The following MOXD1 variants were observed in gnomAD, a reference collection of about 807,000 sequenced individuals.
The protein encoded by MOXD1 is monooxygenase DBH like 1.
MOXD1 carries 62 observed loss-of-function variants against 66.6 expected under a neutral mutation model. The observed-to-expected ratio is 0.93, with a 90% CI of 0.76 to 1.15. The LOEUF (loss-of-function observed/expected upper bound fraction) is 1.15. MOXD1 is among the 50% of genes most tolerant of loss of function. MOXD1 has a pLI of 0.00. For synonymous variants in MOXD1, 303 were observed against 281.9 expected, an observed-to-expected ratio of 1.07 and a Z score of -0.75; for missense variants, 847 against 754.6, an observed-to-expected ratio of 1.12 and a Z score of -1.44.
At chr6:132,371,151 G>A (rs1245198900) in intron 4 of MOXD1, among the ~76,000 whole-genome samples, 1 of 152,036 alleles carries the variant, frequency 6.6e-6, no homozygotes, top group African/African-American at 2.4e-5. Flanking sequence ...TCTTAAGCCT[G>A]GTTCCAGTTA....
chr6:132,354,234 T>A (rs935071902), intron 4 of MOXD1, among the ~76,000 whole-genome samples: 1 of 152,198 alleles, frequency 6.6e-6, no homozygotes, highest in African/African-American at 2.4e-5. Flanking sequence ...AGCCTTGTTT[T>A]GTCATATCAC....
chr6:132,365,029 G>A (rs985117546), intron 4 of MOXD1, among the ~76,000 whole-genome samples: 1 of 152,114 alleles, frequency 6.6e-6, no homozygotes, highest in African/African-American at 2.4e-5. Flanking sequence ...CAGCCTTTCT[G>A]TGTTTAGAAC....
chr6:132,301,673 C>G (rs1774541201), intron 10 of MOXD1, among the ~76,000 whole-genome samples: 1 of 152,040 alleles, frequency 6.6e-6, no homozygotes, highest in South Asian at 2.1e-4. Context: ...TACACACTCT[C>G]CATCCATCAA....
rs551320822 is a variant in MOXD1, at chr6:132,299,390, T to C, written c.1509-1435A>G. 2.4e-4 allele frequency among the ~76,000 whole-genome samples: 37 copies of C among 152,196 alleles called. No individual in the cohort carries two copies. The South Asian group carries it at 7.7e-3, about 32-fold the overall frequency. ...ACCTCAGTTTCACACAATATACCAT[T>C]GTAACAAACCTAAACATGCATCCCT... On this transcript the variant is annotated intron_variant, in intron 10 of 11. Transcript: ENST00000367963.
intron 10 of MOXD1, among the ~76,000 whole-genome samples, chr6:132,311,601 AAAC>A (rs1481707386): frequency 6.6e-6 from 1 of 152,038 alleles, no homozygotes; most frequent in Non-Finnish European, 1.5e-5. Context: ...CTTGTGCTTA[AAAC>A]AACACCAACA....
At chr6:132,301,424 A>G (rs1018659291) in intron 10 of MOXD1, among the ~76,000 whole-genome samples, 1 of 152,122 alleles carries the variant, frequency 6.6e-6, no homozygotes, top group Non-Finnish European at 1.5e-5. Flanking sequence ...AAACTGATCA[A>G]TGGAAATTTT....
At chr6:132,371,634 C>G (rs1406706908) in intron 4 of MOXD1, among the ~76,000 whole-genome samples, 1 of 152,134 alleles carries the variant, frequency 6.6e-6, no homozygotes, top group Admixed American at 6.6e-5. Flanking sequence ...GGCTGTCCAT[C>G]TTTTACAGAT....
At chr6:132,343,700 TATTCACCTATCAGTTTGGCAAC>T (rs1775611276) in intron 4 of MOXD1, among the ~76,000 whole-genome samples, 1 of 152,198 alleles carries the variant, frequency 6.6e-6, no homozygotes, top group African/African-American at 2.4e-5. Context: ...AGATTGGCAA[TATTCACCTATCAGTTTGGCAAC>T]ATTTAAAAAG....
intron 4 of MOXD1, among the ~76,000 whole-genome samples, chr6:132,340,031 G>T (rs983218267): frequency 2.0e-5 from 3 of 152,024 alleles, no homozygotes. Context: ...CACCACACCT[G>T]GATAATTTTT....
intron 10 of MOXD1, among the ~76,000 whole-genome samples, chr6:132,305,065 G>C (rs1305409143): frequency 6.6e-6 from 1 of 152,226 alleles, no homozygotes; most frequent in African/African-American, 2.4e-5. Flanking sequence ...AGCTCCTTGG[G>C]AGAGGAGCAG....
chr6:132,327,766 T>A (rs2114582014), intron 6 of MOXD1, among the ~76,000 whole-genome samples: 2 of 152,348 alleles, frequency 1.3e-5, no homozygotes, highest in South Asian at 4.1e-4. Context: ...TGCAAGTGTT[T>A]TTTTTGTAAG....
At chr6:132,392,495 C>T (rs1239833789) in intron 1 of MOXD1, among the ~76,000 whole-genome samples, 7 of 152,028 alleles carry the variant, frequency 4.6e-5, no homozygotes, top group African/African-American at 1.4e-4. Flanking sequence ...CTAAATGATT[C>T]GGGCGGGGGT....
intron 9 of MOXD1, among the ~76,000 whole-genome samples, chr6:132,316,089 G>A (rs1314898813): frequency 6.6e-6 from 1 of 152,100 alleles, no homozygotes; most frequent in African/African-American, 2.4e-5. Flanking sequence ...AATCAATCAG[G>A]AATTTTTGCA....
chr6:132,394,611 A>G (rs1306046594), intron 1 of MOXD1, among the ~76,000 whole-genome samples: 2 of 123,462 alleles, frequency 1.6e-5, no homozygotes, highest in African/African-American at 7.7e-5. Flanking sequence ...TACCAAAGAG[A>G]TAGATGTCAT....
At chr6:132,367,180 G>A (rs544831573) in intron 4 of MOXD1, among the ~76,000 whole-genome samples, 74 of 152,036 alleles carry the variant, frequency 4.9e-4, no homozygotes, top group Non-Finnish European at 9.1e-4. Flanking sequence ...ATGAAGTGAT[G>A]GACAAACTAG....
At position 132,401,190 on chromosome 6, in the gene MOXD1, C is replaced by A. The variant is rs1209512857; in HGVS notation, c.237G>T (p.Gly79=). The A allele has an allele frequency of 6.5e-7, 1 of 1,544,158 alleles. No homozygotes were observed. The highest frequency in any genetic ancestry group is 1.4e-5 in the African/African-American group (1 of 72,298). ...AMASADIVVG[G]VAHGRPYLQD... ...GGAGGTAGGGCCGCCCGTGGGCCAC[C>A]CCGCCCACGACGATGTCGGCGGACG... is the stretch of plus-strand genomic sequence containing the variant. Residue 79 remains glycine (G), a synonymous_variant, in exon 1 of 12, where the codon GGG becomes GGT. Coordinates refer to ENST00000367963, the MANE Select transcript of MOXD1 (RefSeq NM_015529.4).
chr6:132,305,160 C>G (rs1039476818), intron 10 of MOXD1, among the ~76,000 whole-genome samples: 4 of 152,258 alleles, frequency 2.6e-5, no homozygotes, highest in Non-Finnish European at 5.9e-5. Context: ...TAGCTCCAGA[C>G]TGTGCTTTTC....
intron 1 of MOXD1, among the ~76,000 whole-genome samples, chr6:132,377,605 C>G (rs539451413): frequency 6.6e-6 from 1 of 152,282 alleles, no homozygotes; most frequent in South Asian, 2.1e-4. Context: ...CTTCACTCAA[C>G]TTATGTTGAT....
chr6:132,365,688 G>T (rs1433186286), intron 4 of MOXD1, among the ~76,000 whole-genome samples: 1 of 152,284 alleles, frequency 6.6e-6, no homozygotes, highest in Middle Eastern at 3.4e-3. Flanking sequence ...TGACTAATAA[G>T]AACACCCATG....
Sources: allele counts gnomAD v4.1 joint callset (sites outside exome capture counted in the v4.1 genomes callset), GRCh38; gene constraint gnomAD v4.1.1; transcripts MANE v1.5; gene names NCBI Gene and HGNC (gene_info 2026-07-23, HGNC 2026-07-21).